PITPNC1: variants seen among roughly 807,000 people sequenced by gnomAD.
PITPNC1 encodes the protein cytoplasmic phosphatidylinositol transfer protein 1.
PITPNC1 carries 18 observed loss-of-function variants against 44.7 expected under a neutral mutation model. That is an observed-to-expected ratio of 0.40 (90% CI 0.28 to 0.60). The LOEUF (loss-of-function observed/expected upper bound fraction) is 0.60, where lower values mean the gene tolerates loss of function less well. PITPNC1 is among the 20% of genes least tolerant of loss of function. The pLI is 0.39. For synonymous variants in PITPNC1, 141 were observed against 149.6 expected (o/e 0.94, Z 0.42); for missense variants, 290 against 418.4 (o/e 0.69, Z 2.68).
intron 6 of PITPNC1, among the ~76,000 whole-genome samples, chr17:67,660,111 A>G (rs2042322322): frequency 6.6e-6 from 1 of 152,202 alleles, no homozygotes; most frequent in Non-Finnish European, 1.5e-5. Flanking sequence ...TAAACTCCTG[A>G]GCTCAGGCAG....
At chr17:67,505,851 T>A (rs1429259459) in intron 1 of PITPNC1, among the ~76,000 whole-genome samples, 3 of 152,212 alleles carry the variant, frequency 2.0e-5, no homozygotes, top group Non-Finnish European at 4.4e-5. Flanking sequence ...AGATGACAGA[T>A]TGGCCATATG....
chr17:67,458,898 T>G (rs900335313), intron 1 of PITPNC1, among the ~76,000 whole-genome samples: 1 of 152,138 alleles, frequency 6.6e-6, no homozygotes, highest in African/African-American at 2.4e-5. Context: ...TGTTAATTTC[T>G]TAGTTTAGAA....
intron 4 of PITPNC1, among the ~76,000 whole-genome samples, chr17:67,559,964 A>C (rs2040885812): frequency 6.6e-6 from 1 of 152,250 alleles, no homozygotes; most frequent in Non-Finnish European, 1.5e-5. Flanking sequence ...GACCAAGCTC[A>C]AAAATCGTCA....
intron 8 of PITPNC1, among the ~76,000 whole-genome samples, chr17:67,689,952 C>A (rs2042889707): frequency 6.6e-6 from 1 of 152,082 alleles, no homozygotes; most frequent in Non-Finnish European, 1.5e-5. Context: ...AATAGTCTTC[C>A]ATGTTTTTAA....
At chr17:67,478,967 G>A (rs1215011660) in intron 1 of PITPNC1, among the ~76,000 whole-genome samples, 1 of 151,686 alleles carries the variant, frequency 6.6e-6, no homozygotes, top group East Asian at 1.9e-4. Flanking sequence ...AACCTCAGCA[G>A]TTGGTACCAG....
chr17:67,565,225 C>T (rs938886459), intron 4 of PITPNC1, among the ~76,000 whole-genome samples: 1 of 149,854 alleles, frequency 6.7e-6, no homozygotes, highest in Non-Finnish European at 1.5e-5. Flanking sequence ...CTGTGTTTTT[C>T]AGTGTGTATA....
In PITPNC1 at chr17:67,659,416, G is replaced by A. The variant is rs2642042; in HGVS notation, c.463-10092G>A. On this transcript the variant is annotated intron_variant, in intron 6 of 8. Transcript: ENST00000581322. ...ACCTGGTTGAGCATGTTGCCACATG[G>A]TCTCACCACATGGCTAGCTTGGGCC... Among the ~76,000 whole-genome samples the A allele has an allele frequency of 8.4e-3, 1,279 of 152,300 alleles. 13 individuals carry two copies. The highest frequency in any genetic ancestry group is 0.029 in the African/African-American group (1,211 of 41,552).
intron 1 of PITPNC1, among the ~76,000 whole-genome samples, chr17:67,443,852 C>A (rs570555135): frequency 1.3e-5 from 2 of 151,986 alleles, no homozygotes; most frequent in East Asian, 3.9e-4. Flanking sequence ...CCAGGCTGGT[C>A]TCGAACTCCT....
intron 2 of PITPNC1, among the ~76,000 whole-genome samples, chr17:67,539,572 C>T (rs2040576248): frequency 6.6e-6 from 1 of 152,222 alleles, no homozygotes; most frequent in South Asian, 2.1e-4. Context: ...GGCACGATGG[C>T]TCACGCCTGT....
intron 1 of PITPNC1, among the ~76,000 whole-genome samples, chr17:67,387,117 C>A (rs887573943): frequency 1.3e-5 from 2 of 152,246 alleles, no homozygotes; most frequent in Non-Finnish European, 2.9e-5. Context: ...ACATCCAAAT[C>A]ATTCAAACGA....
chr17:67,657,631 C>T (rs778336671), intron 6 of PITPNC1, among the ~76,000 whole-genome samples: 11 of 150,684 alleles, frequency 7.3e-5, no homozygotes, highest in Non-Finnish European at 1.6e-4. Context: ...CAAATTACCA[C>T]TTTCAGCTTA....
rs779775357 is a variant in PITPNC1, at chr17:67,494,958, G to C, written c.49-37844G>C. 4.6e-4 allele frequency among the ~76,000 whole-genome samples: 69 copies of C among 149,450 alleles called. No homozygotes were observed. The Middle Eastern group carries it at 0.01, about 22-fold the overall frequency. On this transcript the variant is annotated intron_variant, in intron 1 of 8. Transcript: ENST00000581322. The stretch of plus-strand genomic sequence containing the variant: ...ACTGAACTTCAGCCTGGGTGACGGG[G>C]AGACCTCGTCTCAAACTGGCAAAAA...
intron 5 of PITPNC1, among the ~76,000 whole-genome samples, chr17:67,609,904 G>A (rs1032302311): frequency 4.6e-5 from 7 of 151,836 alleles, no homozygotes; most frequent in African/African-American, 1.5e-4. Context: ...TCTCCATTCC[G>A]GCTACCATGG....
intron 1 of PITPNC1, among the ~76,000 whole-genome samples, chr17:67,400,074 C>T (rs1008570144): frequency 3.3e-5 from 5 of 152,148 alleles, no homozygotes; most frequent in African/African-American, 9.7e-5. Context: ...TGTGAAAACA[C>T]CTGGTGATCA....
At chr17:67,680,171 G>T in intron 8 of PITPNC1, among the ~76,000 whole-genome samples, 1 of 152,146 alleles carries the variant, frequency 6.6e-6, no homozygotes, top group Non-Finnish European at 1.5e-5. Flanking sequence ...ATTTTCCAAC[G>T]CAACATTTTA....
intron 6 of PITPNC1, among the ~76,000 whole-genome samples, chr17:67,643,479 A>G (rs1464819831): frequency 6.6e-6 from 1 of 152,228 alleles, no homozygotes. Flanking sequence ...TCATCCAAGC[A>G]AAACATTCAT....
At chr17:67,580,244 G>A (rs2041211057) in intron 5 of PITPNC1, among the ~76,000 whole-genome samples, 1 of 152,202 alleles carries the variant, frequency 6.6e-6, no homozygotes, top group South Asian at 2.1e-4. Flanking sequence ...GGATATTGAA[G>A]TAAGCTTGAC....
Position 67,534,785 on chromosome 17 carries a change from C to T in PITPNC1, c.197+1835C>T, listed in dbSNP as rs141315697. ...CCCTACCTGTGGCCTCTCCGATTGG[C>T]CCATATGTGATTATCCAGAAAGTAT... is the stretch of plus-strand genomic sequence containing the variant. On this transcript the variant is annotated intron_variant, in intron 2 of 8. Transcript: ENST00000581322. Among the ~76,000 whole-genome samples, 32 of 152,312 alleles carry T rather than the reference C, an allele frequency of 2.1e-4. No individual in the cohort carries two copies. The East Asian group carries it at 5.8e-3, about 28-fold the overall frequency.
intron 1 of PITPNC1, among the ~76,000 whole-genome samples, chr17:67,527,244 A>G (rs1375720118): frequency 2.0e-5 from 3 of 152,134 alleles, no homozygotes; most frequent in Non-Finnish European, 4.4e-5. Flanking sequence ...AACTTGGTAA[A>G]GAAATAAGGG....
Sources: gnomAD v4.1 joint callset for allele counts (sites outside exome capture counted in the v4.1 genomes callset) on GRCh38, gnomAD v4.1.1 for gene constraint, MANE v1.5 for transcripts, NCBI Gene and HGNC (gene_info 2026-07-23, HGNC 2026-07-21) for gene names.